DOCK4: variants seen among roughly 807,000 people sequenced by gnomAD.
The protein encoded by DOCK4 is dedicator of cytokinesis protein 4.
DOCK4 carries 97 observed loss-of-function variants against 268.1 expected under a neutral mutation model. The observed-to-expected ratio is 0.36, with a 90% CI of 0.31 to 0.43. The LOEUF is 0.43. DOCK4 is among the 20% of genes least tolerant of loss of function. The pLI, the probability that DOCK4 is intolerant of heterozygous loss-of-function variation, is 1.00. For missense variants in DOCK4, 2,145 were observed against 2,455.7 expected, an observed-to-expected ratio of 0.87 and a Z score of 2.67; for synonymous variants, 954 against 887.2, an observed-to-expected ratio of 1.08 and a Z score of -1.34.
At chr7:112,081,935 G>A (rs1181251323) in intron 1 of DOCK4, among the ~76,000 whole-genome samples, 3 of 152,138 alleles carry the variant, frequency 2.0e-5, no homozygotes, top group African/African-American at 7.2e-5. Flanking sequence ...TTGGGTTGGG[G>A]CCCTGCTCTG....
chr7:111,947,773 G>A (rs776650125), intron 8 of DOCK4, among the ~76,000 whole-genome samples: 6 of 152,052 alleles, frequency 3.9e-5, no homozygotes, highest in Non-Finnish European at 7.4e-5. Context: ...ACCCAGGCTA[G>A]AGTACAGTGG....
At chr7:111,931,488 A>ATGTG (rs1157943684) in intron 12 of DOCK4, among the ~76,000 whole-genome samples, 2 of 152,204 alleles carry the variant, frequency 1.3e-5, no homozygotes, top group Non-Finnish European at 2.9e-5. Flanking sequence ...CATGGGAGGA[A>ATGTG]CTGCCCAAGG....
intron 1 of DOCK4, among the ~76,000 whole-genome samples, chr7:112,184,493 T>G (rs186709559): frequency 6.6e-6 from 1 of 152,342 alleles, no homozygotes; most frequent in Admixed American, 6.5e-5. Context: ...GGTTTAATAG[T>G]GCATATTCTG....
At chr7:111,978,437 G>A (rs1181787360) in intron 7 of DOCK4, among the ~76,000 whole-genome samples, 1 of 152,082 alleles carries the variant, frequency 6.6e-6, no homozygotes, top group Admixed American at 6.6e-5. Context: ...TCACCATGTC[G>A]CCCAGGCTGG....
At chr7:112,057,958 A>G (rs141130110) in intron 1 of DOCK4, among the ~76,000 whole-genome samples, 2,326 of 151,564 alleles carry the variant, frequency 0.015, 56 homozygotes, top group African/African-American at 0.052. Context: ...TTTACGCTTA[A>G]TAAGAATTTA....
At chr7:112,083,257 T>C (rs1808762761) in intron 1 of DOCK4, among the ~76,000 whole-genome samples, 1 of 152,268 alleles carries the variant, frequency 6.6e-6, no homozygotes, top group South Asian at 2.1e-4. Context: ...TTATTTGATA[T>C]GTGAATACCA....
intron 4 of DOCK4, among the ~76,000 whole-genome samples, chr7:111,996,219 C>G (rs1032418057): frequency 6.6e-6 from 1 of 152,146 alleles, no homozygotes; most frequent in African/African-American, 2.4e-5. Context: ...TCTGAAGACA[C>G]AAGAAAGAAC....
chr7:112,007,864 A>C (rs996666237), intron 1 of DOCK4, among the ~76,000 whole-genome samples: 3 of 152,174 alleles, frequency 2.0e-5, no homozygotes, highest in African/African-American at 7.2e-5. Flanking sequence ...AATCCCTTTA[A>C]ATTTCTCCAA....
intron 1 of DOCK4, among the ~76,000 whole-genome samples, chr7:112,023,315 A>C (rs1802499175): frequency 6.6e-6 from 1 of 152,174 alleles, no homozygotes; most frequent in Non-Finnish European, 1.5e-5. Flanking sequence ...GAAGCATTGA[A>C]GCTGTGAGAT....
At chr7:111,853,055 T>C (rs980364386) in intron 23 of DOCK4, among the ~76,000 whole-genome samples, 3 of 152,094 alleles carry the variant, frequency 2.0e-5, no homozygotes, top group Non-Finnish European at 4.4e-5. Flanking sequence ...CTCATTTACT[T>C]TTTTGGTCTA....
At chr7:111,832,256 C>T (rs1369913361) in intron 26 of DOCK4, among the ~76,000 whole-genome samples, 1 of 152,164 alleles carries the variant, frequency 6.6e-6, no homozygotes, top group Non-Finnish European at 1.5e-5. Flanking sequence ...TGAGACCTCC[C>T]CTGGGAAGTT....
chr7:111,741,511 ATTGTAAGATAAT>A lies in DOCK4; in HGVS notation c.4919+17_4919+28del. ...CAGATCAGCTTGCGGGTGAGGCCAA[ATTGTAAGATAAT>A]TTGGAATATGACTTACCTGCGTCTA... On this transcript the variant is annotated intron_variant, in intron 46 of 52. Coordinates refer to ENST00000428084, the MANE Select transcript of DOCK4 (RefSeq NM_001363540.2). 2 of 1,608,726 alleles carry A rather than the reference ATTGTAAGATAAT, an allele frequency of 1.2e-6. No homozygotes were observed. The highest frequency in any genetic ancestry group is 8.5e-7 in the Non-Finnish European group (1 of 1,177,814).
intron 6 of DOCK4, among the ~76,000 whole-genome samples, chr7:111,984,687 C>G (rs561156335): frequency 1.3e-5 from 2 of 152,164 alleles, no homozygotes; most frequent in East Asian, 1.9e-4. Context: ...GAGCCTTCAG[C>G]GCCCTTCAAA....
intron 30 of DOCK4, chr7:111,808,374 T>C (rs913905703): frequency 2.5e-5 from 4 of 158,278 alleles, no homozygotes; most frequent in Admixed American, 2.5e-4. Context: ...CCTTTGGCTA[T>C]ACTCTTTATG....
intron 16 of DOCK4, among the ~76,000 whole-genome samples, chr7:111,883,944 G>T (rs1807631064): frequency 6.6e-6 from 1 of 152,190 alleles, no homozygotes; most frequent in African/African-American, 2.4e-5. Flanking sequence ...TGGGGTGTGT[G>T]TAAGAGAGAT....
chr7:111,800,708 C>A (rs2133855112), intron 30 of DOCK4, among the ~76,000 whole-genome samples: 1 of 152,232 alleles, frequency 6.6e-6, no homozygotes, highest in East Asian at 1.9e-4. Flanking sequence ...AAACTCCAAA[C>A]AGTGCTGCAA....
chr7:112,195,079 G>T (rs561861436), intron 1 of DOCK4, among the ~76,000 whole-genome samples: 83 of 152,166 alleles, frequency 5.5e-4, no homozygotes, highest in Non-Finnish European at 1.0e-3. Flanking sequence ...AGGAGTTCGA[G>T]ACCAGCCTGG....
chr7:111,891,593 C>G (rs1165787659), intron 16 of DOCK4, among the ~76,000 whole-genome samples: 1 of 152,100 alleles, frequency 6.6e-6, no homozygotes, highest in Non-Finnish European at 1.5e-5. Context: ...TTATCTTCTT[C>G]CAAAAAATAC....
At chr7:112,069,525 G>A (rs1258935273) in intron 1 of DOCK4, among the ~76,000 whole-genome samples, 1 of 152,150 alleles carries the variant, frequency 6.6e-6, no homozygotes, top group Admixed American at 6.6e-5. Flanking sequence ...TTACCTCTAA[G>A]ACAAAGACAA....
Sources: gnomAD v4.1 joint callset for allele counts (sites outside exome capture counted in the v4.1 genomes callset) on GRCh38, gnomAD v4.1.1 for gene constraint, MANE v1.5 for transcripts, NCBI Gene and HGNC (gene_info 2026-07-23, HGNC 2026-07-21) for gene names.